CDKL1: variants seen among roughly 807,000 people sequenced by gnomAD.
The protein encoded by CDKL1 is cyclin dependent kinase like 1, also known as cyclin-dependent kinase-like 1.
In CDKL1, 41 loss-of-function variants were observed where a neutral mutation model predicts 42.0. The ratio of observed to expected loss-of-function variants is 0.98; its 90% CI spans 0.76 to 1.27. CDKL1 has a LOEUF of 1.27. Among genes scored for constraint, CDKL1 ranks in the 50% most tolerant of loss-of-function variants. The pLI is 0.00. For missense variants in CDKL1, 394 were observed against 428.4 expected, an observed-to-expected ratio of 0.92 and a Z score of 0.71; for synonymous variants, 153 against 158.6, an observed-to-expected ratio of 0.96 and a Z score of 0.26.
rs752698010 is a variant in CDKL1 at position 50,342,171 on chromosome 14, C to A, written c.415G>T (p.Val139Leu). ...AATCCAAAGTCACAAAGCTTAATCA[C>A]GGAATGTTTCGTGATGAGGATATTT... ...PENILITKHS[V>L]IKLCDFGFAR... Residue 139 changes from valine (V) to leucine (L), a missense_variant, in exon 5 of 10, where the codon GTG becomes TTG. Transcript: ENST00000395834. 4 of 1,613,926 alleles carry A rather than the reference C, an allele frequency of 2.5e-6. No homozygotes were observed. The South Asian group carries it at 4.4e-5, about 18-fold the overall frequency.
At chr14:50,359,869 T>C (rs894749762) in intron 2 of CDKL1, among the ~76,000 whole-genome samples, 1 of 151,132 alleles carries the variant, frequency 6.6e-6, no homozygotes, top group African/African-American at 2.4e-5. Flanking sequence ...CCTAGCTTCC[T>C]GGCCCTTTCT....
At chr14:50,383,148 C>T (rs1208094591) in intron 2 of CDKL1, among the ~76,000 whole-genome samples, 1 of 151,780 alleles carries the variant, frequency 6.6e-6, no homozygotes, top group Non-Finnish European at 1.5e-5. Context: ...CAGGAGGTCT[C>T]CATCTCCTGA....
intron 2 of CDKL1, chr14:50,377,489 C>T (rs2034767047): frequency 3.3e-6 from 3 of 898,156 alleles, no homozygotes; most frequent in Non-Finnish European, 2.9e-6. Flanking sequence ...ACACACAGTT[C>T]CTGTCTCAGA....
At position 50,384,436 on chromosome 14, in the gene CDKL1, G is replaced by C. The variant is rs139154744; in HGVS notation, c.168+11265C>G. On this transcript the variant is annotated intron_variant, in intron 2 of 9. Coordinates refer to ENST00000395834, the MANE Select transcript of CDKL1 (RefSeq NM_004196.7). ...GGTCTCTGGAGAAATGGCTGATACA[G>C]GGCTGGGGCAGGATGAGCCTGGGAC... 6.8e-3 allele frequency among the ~76,000 whole-genome samples: 1,041 copies of C among 152,302 alleles called. 3 individuals are homozygous for C. Among genetic ancestry groups the C allele is most frequent in the Middle Eastern group, 0.014 (4 of 294 alleles).
At chr14:50,335,955 C>G in intron 7 of CDKL1, 1 of 1,361,886 alleles carries the variant, frequency 7.3e-7, no homozygotes, top group Non-Finnish European at 9.8e-7. Flanking sequence ...TTGTATTAGC[C>G]CTTGACAGTA....
At chr14:50,389,476 G>T (rs1200181610) in intron 2 of CDKL1, among the ~76,000 whole-genome samples, 1 of 151,972 alleles carries the variant, frequency 6.6e-6, no homozygotes, top group Non-Finnish European at 1.5e-5. Context: ...CAATAAAAAA[G>T]TTAGATTTTT....
intron 2 of CDKL1, among the ~76,000 whole-genome samples, chr14:50,368,293 G>A (rs1343253935): frequency 6.6e-6 from 1 of 151,338 alleles, no homozygotes; most frequent in Non-Finnish European, 1.5e-5. Flanking sequence ...GTCTTTCTCT[G>A]TTACCCAGGC....
intron 5 of CDKL1, 70 bp downstream of exon 5, chr14:50,342,062 T>C: frequency 8.3e-7 from 1 of 1,202,712 alleles, no homozygotes; most frequent in Non-Finnish European, 1.2e-6. Context: ...TTCTAGAGCA[T>C]TTAGATCCTT....
chr14:50,362,925 T>C, intron 2 of CDKL1: 1 of 459,810 alleles, frequency 2.2e-6, no homozygotes. Flanking sequence ...GCTTTGTTCT[T>C]TCACTCTTTG....
At chr14:50,387,013 C>T (rs939012937) in intron 2 of CDKL1, among the ~76,000 whole-genome samples, 3 of 147,886 alleles carry the variant, frequency 2.0e-5, no homozygotes, top group Non-Finnish European at 3.0e-5. Context: ...GAAGACAGAG[C>T]GAGACTCCGT....
At chr14:50,392,898 G>A (rs1055116120) in intron 2 of CDKL1, among the ~76,000 whole-genome samples, 2 of 152,052 alleles carry the variant, frequency 1.3e-5, no homozygotes, top group African/African-American at 4.8e-5. Context: ...CCTTGAAATT[G>A]TTCTTGATTT....
intron 8 of CDKL1, chr14:50,333,265 A>G (rs1566571068): frequency 6.6e-6 from 1 of 152,176 alleles, no homozygotes; most frequent in Non-Finnish European, 1.5e-5. Context: ...GGCACAAAAT[A>G]TAGGTCACAA....
intron 2 of CDKL1, chr14:50,377,839 A>G: frequency 1.3e-6 from 1 of 750,036 alleles, no homozygotes; most frequent in Non-Finnish European, 1.8e-6. Flanking sequence ...AGAAAATGAC[A>G]GGGTCAGGTT....
chr14:50,363,699 A>G (rs537729495), intron 2 of CDKL1: 9 of 152,326 alleles, frequency 5.9e-5, no homozygotes, highest in African/African-American at 1.4e-4. Flanking sequence ...AAATGCATCA[A>G]TTCTACCCAA....
Position 50,330,079 on chromosome 14 carries a change from T to C in CDKL1, c.1069A>G (p.Ile357Val). 6.2e-7 allele frequency: 1 copy of C among 1,608,838 alleles called. No individual in the cohort carries two copies. The highest frequency in any genetic ancestry group is 2.2e-5 in the East Asian group (1 of 44,830). ...AATCATGTCTCCTAGCTCCTTTAAA[T>C]GTTTGGAAAACGGTAGTTAAGTTTC... is the stretch of plus-strand genomic sequence containing the variant. ...TKKLNYRFPNI is the reference protein window; with the variant it reads ...TKKLNYRFPNV The change falls in exon 10 of 10, where the codon ATT (isoleucine) becomes GTT (valine). Residue 357 changes from isoleucine to valine, a missense_variant. Ile to Val is a conservative substitution (Grantham distance 29). Transcript: ENST00000395834.
chr14:50,343,751 C>G (rs532334838), intron 4 of CDKL1, among the ~76,000 whole-genome samples: 1 of 152,272 alleles, frequency 6.6e-6, no homozygotes, highest in African/African-American at 2.4e-5. Context: ...CTACCAGGGT[C>G]TTGGTGCAGT....
At chr14:50,342,080 T>A (rs1388384276) in intron 5 of CDKL1, 52 bp downstream of exon 5, 16 of 1,375,918 alleles carry the variant, frequency 1.2e-5, no homozygotes, top group Non-Finnish European at 1.7e-5. Context: ...CTTTGTTGTA[T>A]CAAGAACTTT....
chr14:50,392,988 T>TTCCCCCTTCCTTCTCTCCCTGGCC (rs1212961231), intron 2 of CDKL1, among the ~76,000 whole-genome samples: 2 of 152,184 alleles, frequency 1.3e-5, no homozygotes, highest in Admixed American at 6.5e-5. Context: ...GGACCCTGGC[T>TTCCCCCTTCCTTCTCTCCCTGGCC]TCCCCCTTCC....
chr14:50,370,356 C>T (rs577783889), intron 2 of CDKL1, among the ~76,000 whole-genome samples: 61 of 152,248 alleles, frequency 4.0e-4, no homozygotes, highest in African/African-American at 1.4e-3. Flanking sequence ...GGCGTGAGCC[C>T]CTGCACTCAG....
Sources: allele counts gnomAD v4.1 joint callset (sites outside exome capture counted in the v4.1 genomes callset), GRCh38; gene constraint gnomAD v4.1.1; transcripts MANE v1.5; gene names NCBI Gene and HGNC (gene_info 2026-07-23, HGNC 2026-07-21).